ERBIN: variants seen among roughly 807,000 people sequenced by gnomAD.
ERBIN encodes the protein densin-180-like protein.
A neutral mutation model predicts 158.4 loss-of-function variants in ERBIN; 60 were observed. The ratio of observed to expected loss-of-function variants is 0.38; its 90% CI spans 0.31 to 0.47. The LOEUF is 0.47. ERBIN is among the 20% of genes least tolerant of loss of function. The pLI, the probability that ERBIN is intolerant of heterozygous loss-of-function variation, is 0.99. For missense variants in ERBIN, 1,610 were observed against 1,648.0 expected, an observed-to-expected ratio of 0.98 and a Z score of 0.40; for synonymous variants, 594 against 557.2, an observed-to-expected ratio of 1.07 and a Z score of -0.93.
At chr5:65,939,167 G>A (rs1230256592) in intron 1 of ERBIN, among the ~76,000 whole-genome samples, 1 of 152,130 alleles carries the variant, frequency 6.6e-6, no homozygotes, top group Non-Finnish European at 1.5e-5. Context: ...AGCCAGGCAT[G>A]GTGGCTCACA....
intron 4 of ERBIN, among the ~76,000 whole-genome samples, chr5:66,001,556 G>A (rs977042311): frequency 2.0e-5 from 3 of 152,082 alleles, no homozygotes; most frequent in African/African-American, 7.2e-5. Flanking sequence ...TTATTGGTCT[G>A]GTTATTAAAC....
chr5:65,932,780 T>A (rs1743599567), intron 1 of ERBIN, among the ~76,000 whole-genome samples: 2 of 152,156 alleles, frequency 1.3e-5, no homozygotes, highest in Admixed American at 1.3e-4. Flanking sequence ...AGAATTCTAG[T>A]TTTTCATAGG....
chr5:66,078,044 G>C (rs1762175991), intron 25 of ERBIN, among the ~76,000 whole-genome samples: 1 of 152,186 alleles, frequency 6.6e-6, no homozygotes, highest in Non-Finnish European at 1.5e-5. Flanking sequence ...AAGCTTAATT[G>C]TAAGAAATAT....
intron 1 of ERBIN, among the ~76,000 whole-genome samples, chr5:65,948,761 C>CCTT (rs1561282947): frequency 2.3e-5 from 1 of 44,424 alleles, no homozygotes; most frequent in Non-Finnish European, 5.3e-5. Context: ...TTCTGTTTTG[C>CCTT]GTTTTTTTTT....
intron 1 of ERBIN, among the ~76,000 whole-genome samples, chr5:65,958,152 AG>A (rs1580156438): frequency 6.7e-6 from 1 of 150,330 alleles, no homozygotes; most frequent in East Asian, 2.0e-4. Flanking sequence ...AGCCGGGCAG[AG>A]GGGCTCCTCA....
chr5:65,963,153 T>G (rs1748105710), intron 1 of ERBIN, among the ~76,000 whole-genome samples: 1 of 152,226 alleles, frequency 6.6e-6, no homozygotes, highest in Admixed American at 6.5e-5. Context: ...AATAGCTTTT[T>G]ATTGCATAAC....
Position 66,018,564 on chromosome 5 carries a change from AT to A in ERBIN, c.534-2757del, listed in dbSNP as rs1561381318. 4.2e-3 allele frequency among the ~76,000 whole-genome samples: 45 copies of A among 10,790 alleles called. 13 individuals carry two copies. Among genetic ancestry groups the A allele is most frequent in the African/African-American group, 0.025 (42 of 1,712 alleles). 7.1% of individuals were successfully genotyped at this position (10,790 alleles called of 152,430 possible). On this transcript the variant is annotated intron_variant, in intron 7 of 25. Transcript: ENST00000284037. ...ATATATATTATATATTATATAATAT[AT>A]ATTATATTATATAATATATATTATA...
rs397884229 is a variant in ERBIN at position 66,074,045 on chromosome 5, ATTTTT to A, written c.3757-956_3757-952del. Among the ~76,000 whole-genome samples, 190 of 91,932 alleles carry A rather than the reference ATTTTT, an allele frequency of 2.1e-3. 1 individual carries two copies. The highest frequency in any genetic ancestry group is 7.7e-3 in the African/African-American group (182 of 23,486). 60.3% of individuals were successfully genotyped at this position (91,932 alleles called of 152,430 possible). A position where few individuals can be genotyped will look rare whatever the true frequency, so the allele number is the denominator to read the frequency against. On this transcript the variant is annotated intron_variant, in intron 22 of 25. Coordinates refer to ENST00000284037, the MANE Select transcript of ERBIN (RefSeq NM_001253697.2). ...AGGTGTGCACCACCATGCCCAGCTAATTTTTTTTTTTTTTTTTTTTTTTTTTTAGA... is the reference window on the plus strand; with the variant it reads ...AGGTGTGCACCACCATGCCCAGCTAATTTTTTTTTTTTTTTTTTTTTTAGA...
At chr5:65,964,907 T>TG (rs1239121098) in intron 1 of ERBIN, among the ~76,000 whole-genome samples, 27 of 80,376 alleles carry the variant, frequency 3.4e-4, no homozygotes, top group African/African-American at 9.9e-4. Flanking sequence ...GCCTGGCTGA[T>TG]TTGTGTGTGT....
At chr5:66,076,462 G>A in intron 24 of ERBIN, 54 bp downstream of exon 24, 1 of 1,295,808 alleles carries the variant, frequency 7.7e-7, no homozygotes, top group East Asian at 2.3e-5. Flanking sequence ...TTTACCGATT[G>A]AATACTTAAA....
chr5:66,077,947 T>C (rs998464546), intron 25 of ERBIN, among the ~76,000 whole-genome samples: 79 of 152,226 alleles, frequency 5.2e-4, no homozygotes, highest in Non-Finnish European at 1.8e-4. Context: ...AGAATCTTTT[T>C]TGAGCATTAT....
chr5:66,045,325 A>G (rs1042859863), intron 17 of ERBIN, among the ~76,000 whole-genome samples: 1 of 152,104 alleles, frequency 6.6e-6, no homozygotes, highest in Non-Finnish European at 1.5e-5. Context: ...AATACTTTCT[A>G]TTGTGTTAGA....
chr5:66,074,885 A>G (rs944718234), intron 22 of ERBIN, 139 bp from the exon 23 acceptor site: 1 of 689,062 alleles, frequency 1.5e-6, no homozygotes, highest in African/African-American at 1.8e-5. Context: ...TTATAGAAAA[A>G]TAGTAAGTGG....
chr5:65,986,757 A>T (rs1483736614), intron 1 of ERBIN, among the ~76,000 whole-genome samples: 1 of 152,262 alleles, frequency 6.6e-6, no homozygotes, highest in Non-Finnish European at 1.5e-5. Flanking sequence ...CAAGAAATCC[A>T]GAAATAGAGA....
chr5:66,004,745 A>G (rs1753403204), intron 4 of ERBIN, among the ~76,000 whole-genome samples: 1 of 152,164 alleles, frequency 6.6e-6, no homozygotes, highest in South Asian at 2.1e-4. Context: ...CCATCTTTGG[A>G]GAGTAGGTAA....
intron 1 of ERBIN, among the ~76,000 whole-genome samples, chr5:65,981,018 C>T (rs190426734): frequency 6.6e-6 from 1 of 152,298 alleles, no homozygotes; most frequent in Non-Finnish European, 1.5e-5. Context: ...CACGTGGAAC[C>T]TCTCACTAAG....
intron 6 of ERBIN, among the ~76,000 whole-genome samples, chr5:66,013,897 A>G (rs1372328585): frequency 6.6e-6 from 1 of 152,100 alleles, no homozygotes; most frequent in Non-Finnish European, 1.5e-5. Context: ...TAATTTCTGT[A>G]TGCTTGAGAT....
At chr5:65,974,808 C>T (rs912242020) in intron 1 of ERBIN, among the ~76,000 whole-genome samples, 1 of 152,106 alleles carries the variant, frequency 6.6e-6, no homozygotes, top group South Asian at 2.1e-4. Context: ...TTCTTTGTAT[C>T]ATTAGGAATG....
chr5:66,026,113 C>A, intron 12 of ERBIN, 136 bp downstream of exon 12: 1 of 847,006 alleles, frequency 1.2e-6, no homozygotes, highest in Non-Finnish European at 1.7e-6. Context: ...GAATAATTAG[C>A]TATGTTAATT....
Sources: allele counts gnomAD v4.1 joint callset (sites outside exome capture counted in the v4.1 genomes callset), GRCh38; gene constraint gnomAD v4.1.1; transcripts MANE v1.5; gene names NCBI Gene and HGNC (gene_info 2026-07-23, HGNC 2026-07-21).